The following UBXN11 variants were observed in gnomAD, a reference collection of about 807,000 sequenced individuals.
UBXN11 encodes UBX domain-containing protein 11.
In UBXN11, 47 loss-of-function variants were observed where a neutral mutation model predicts 62.8. That is an observed-to-expected ratio of 0.75 (90% confidence interval 0.59 to 0.95). UBXN11 has a LOEUF of 0.95. Ranked by LOEUF, UBXN11 falls within the 40% of genes least tolerant of loss-of-function variation. The probability of loss-of-function intolerance (pLI) is 0.00; values close to 1 mark genes in which losing one functional copy is unlikely to be tolerated. For synonymous variants in UBXN11, 294 were observed against 267.0 expected (o/e 1.10, Z -0.99); for missense variants, 638 against 661.7 (o/e 0.96, Z 0.39).
chr1:26,282,509 G>C lies in UBXN11; in HGVS notation c.1353C>G (p.Asp451Glu), dbSNP rs143743472. 1 of 1,600,818 alleles carries C rather than the reference G, an allele frequency of 6.2e-7. No individual in the cohort carries two copies. Among genetic ancestry groups the C allele is most frequent in the Non-Finnish European group, 8.5e-7 (1 of 1,171,370 alleles). The change falls in exon 15 of 15, where the codon GAC becomes GAG. Residue 451 changes from aspartate (D) to glutamate (E), a missense_variant. Physicochemically the swap from Asp to Glu is conservative, Grantham distance 45. Coordinates refer to ENST00000374222, the MANE Select transcript of UBXN11 (RefSeq NM_001389556.1). ...CTGCAGCCTGCAGCGTGAGTGTATC[G>C]TCCTGGTAGAGGGTGGGCGGGAATG... Reference protein sequence around the residue: ...FSTFPPTLYQDDTLTLQAAGL... With the variant: ...FSTFPPTLYQEDTLTLQAAGL...
At chr1:26,297,583 G>A in intron 5 of UBXN11, 102 bp from the exon 6 acceptor site, 1 of 1,332,266 alleles carries the variant, frequency 7.5e-7, no homozygotes, top group Admixed American at 2.9e-5. Flanking sequence ...CTGGGGAGCA[G>A]CAAGCCCCTG....
rs933465895 is a variant in UBXN11, at chr1:26,284,733, C to T, written c.853-251G>A. ...GTACTGACACCCTCCTTGGAGACCC[C>T]CCTCTCAGGAGCCTACCGTGAAGGC... On this transcript the variant is annotated intron_variant, in intron 10 of 14. Transcript: ENST00000374222. 8 of 1,269,634 alleles carry T rather than the reference C, an allele frequency of 6.3e-6. No individual in the cohort carries two copies. The African/African-American group carries it at 1.1e-4, about 17-fold the overall frequency. The allele number at this position is 1,269,634 out of a possible 1,614,324, so 78.6% of individuals were successfully genotyped here.
chr1:26,302,362 TAAAAAAAAAAAAAAAA>T (rs56003085), intron 2 of UBXN11, among the ~76,000 whole-genome samples: 943 of 69,584 alleles, frequency 0.014, 27 homozygotes, highest in African/African-American at 0.052. Context: ...ACTTGGTCTT[TAAAAAAAAAAAAAAAA>T]AAAAAAAAAA....
rs754479720 is a variant in UBXN11, at chr1:26,284,446, C to T, written c.889G>A (p.Gly297Arg). The part of the protein sequence containing the change: ...DLRNQVYLED[G>R]LDPFPGEGRV... ...CCCTCGCCTGGGAAGGGGTCCAGTCCATCCTCCAGGTAGACCTGATTGCGC... is the reference window on the plus strand; with the variant it reads ...CCCTCGCCTGGGAAGGGGTCCAGTCTATCCTCCAGGTAGACCTGATTGCGC... Residue 297 changes from glycine (G) to arginine (R), a missense_variant, in exon 11 of 15, where the codon GGA (glycine) becomes AGA (arginine). Transcript: ENST00000374222. 2.4e-5 allele frequency: 39 copies of T among 1,613,496 alleles called. No individual in the cohort carries two copies. The highest frequency in any genetic ancestry group is 3.1e-5 in the Non-Finnish European group (36 of 1,179,714).
chr1:26,299,276 C>T (rs1330231188), intron 4 of UBXN11, among the ~76,000 whole-genome samples: 1 of 151,956 alleles, frequency 6.6e-6, no homozygotes, highest in Non-Finnish European at 1.5e-5. Context: ...CTTTGGGAGG[C>T]CGAGGCGGGC....
upstream of UBXN11, chr1:26,306,728 A>C (rs544318664): frequency 6.6e-6 from 1 of 150,506 alleles, no homozygotes; most frequent in Non-Finnish European, 1.5e-5. Context: ...AGGTGGATAC[A>C]GTCGCCTGTG....
At position 26,285,853 on chromosome 1, in the gene UBXN11, G is replaced by T. The variant is rs2073120133; in HGVS notation, c.744C>A (p.Pro248=). The change falls in exon 9 of 15, where the codon CCC becomes CCA. Residue 248 remains proline (P), a synonymous_variant. Coordinates refer to ENST00000374222, the MANE Select transcript of UBXN11 (RefSeq NM_001389556.1). ...YRNGIMMFDG[P]FQPFYDPSTQ... Reference sequence around the variant, plus strand: ...TGGAGGGATCGTAGAAGGGCTGGAAGGGCCCGTCGAACATCATGATGCCAT... The same window carrying T: ...TGGAGGGATCGTAGAAGGGCTGGAATGGCCCGTCGAACATCATGATGCCAT... 1 of 1,610,738 alleles carries T rather than the reference G, an allele frequency of 6.2e-7. No homozygotes were observed. Among genetic ancestry groups the T allele is most frequent in the Non-Finnish European group, 8.5e-7 (1 of 1,177,246 alleles).
chr1:26,284,361 C>G lies in UBXN11; in HGVS notation c.973+1G>C. The G allele has an allele frequency of 6.2e-7, 1 of 1,614,092 alleles. No homozygotes were observed. Among genetic ancestry groups the G allele is most frequent in the Non-Finnish European group, 8.5e-7 (1 of 1,179,968 alleles). On this transcript the variant is annotated splice_donor_variant, in intron 11 of 14. Coordinates refer to ENST00000374222, the MANE Select transcript of UBXN11 (RefSeq NM_001389556.1). LOFTEE classifies it high-confidence loss of function. ...TGGCTCAGCCTGGAGGCCAAACTCA[C>G]CTGGGTGCTCCTCCACCCTGTCCAA...
chr1:26,299,914 G>A, intron 4 of UBXN11, among the ~76,000 whole-genome samples: 1 of 152,026 alleles, frequency 6.6e-6, no homozygotes, highest in East Asian at 1.9e-4. Flanking sequence ...AGGACTGATT[G>A]TGCCTGGGAG....
In UBXN11 at chr1:26,282,648, C is replaced by T. The variant is rs376402622; in HGVS notation, c.1292+1G>A. ...TGGCCCTGGCCCTGCCCTGCACCCA[C>T]CTGGCCTGCGCTAGCAGAGCTCGCA... On this transcript the variant is annotated splice_donor_variant, in intron 14 of 14. Coordinates refer to ENST00000374222, the MANE Select transcript of UBXN11 (RefSeq NM_001389556.1). LOFTEE classifies it high-confidence loss of function. 2 of 1,613,912 alleles carry T rather than the reference C, an allele frequency of 1.2e-6. No individual in the cohort carries two copies. Among genetic ancestry groups the T allele is most frequent in the Non-Finnish European group, 1.7e-6 (2 of 1,180,022 alleles).
At chr1:26,298,426 GA>G (rs1343167013) in intron 4 of UBXN11, among the ~76,000 whole-genome samples, 3 of 152,178 alleles carry the variant, frequency 2.0e-5, no homozygotes, top group African/African-American at 7.2e-5. Flanking sequence ...CAAAACAGCA[GA>G]TAGAGGAGTG....
chr1:26,302,158 A>G (rs568130467), intron 2 of UBXN11, among the ~76,000 whole-genome samples: 15 of 152,172 alleles, frequency 9.9e-5, no homozygotes, highest in Admixed American at 1.3e-4. Flanking sequence ...AGGTCAGGAG[A>G]TCGAGACCAT....
chr1:26,317,950 A>G, intron 1 of UBXN11: 3 of 1,412,352 alleles, frequency 2.1e-6, no homozygotes, highest in Non-Finnish European at 3.0e-6. Flanking sequence ...AAACCAAAAG[A>G]AGCCTCCAGA....
chr1:26,282,358 T>TGGGGCC lies in UBXN11; in HGVS notation c.1498_1503dup (p.Gly500_Pro501dup). 5 of 207,478 alleles carry TGGGGCC rather than the reference T, an allele frequency of 2.4e-5. No homozygotes were observed. Among genetic ancestry groups the TGGGGCC allele is most frequent in the Non-Finnish European group, 4.4e-5 (5 of 114,206 alleles). The allele number at this position is 207,478 out of a possible 1,614,324, so 12.9% of individuals were successfully genotyped here. Reference sequence around the variant, plus strand: ...CTGGGGCCGGGACCGGGACCGGGACTGGGGCCGGGACCGGGACCGGGACTG... The same window carrying TGGGGCC: ...CTGGGGCCGGGACCGGGACCGGGACTGGGGCCGGGGCCGGGACCGGGACCGGGACTG... On this transcript the variant is annotated inframe_insertion, in exon 15 of 15. Transcript: ENST00000374222.
chr1:26,311,926 T>C (rs2073748104), intron 1 of UBXN11, among the ~76,000 whole-genome samples: 1 of 152,202 alleles, frequency 6.6e-6, no homozygotes, highest in South Asian at 2.1e-4. Flanking sequence ...TAGCTATCTC[T>C]TCCACCTTCT....
intron 2 of UBXN11, among the ~76,000 whole-genome samples, chr1:26,302,046 TA>T (rs1189821038): frequency 6.6e-6 from 1 of 152,170 alleles, no homozygotes; most frequent in Non-Finnish European, 1.5e-5. Flanking sequence ...GCCTGTTGCT[TA>T]ACCTCTCTGA....
chr1:26,282,362 G>T lies in UBXN11; in HGVS notation c.1500C>A (p.Gly500=), dbSNP rs1165687423. 1 of 548,934 alleles carries T rather than the reference G, an allele frequency of 1.8e-6. No homozygotes were observed. The highest frequency in any genetic ancestry group is 3.2e-5 in the African/African-American group (1 of 31,580). 34.0% of individuals were successfully genotyped at this position (548,934 alleles called of 1,614,324 possible). A position where few individuals can be genotyped will look rare whatever the true frequency, so the allele number is the denominator to read the frequency against. The change falls in exon 15 of 15, where the codon GGC becomes GGA. Residue 500 remains glycine (G), a synonymous_variant. Coordinates refer to ENST00000374222, the MANE Select transcript of UBXN11 (RefSeq NM_001389556.1). ...GGCCGGGACCGGGACCGGGACTGGG[G>T]CCGGGACCGGGACCGGGACTGGGGC... is the stretch of plus-strand genomic sequence containing the variant. The part of the protein sequence containing the change: ...GPGPSPGPGP[G]PSPGPGPGPS...
intron 1 of UBXN11, among the ~76,000 whole-genome samples, chr1:26,304,966 T>C (rs1328546657): frequency 6.6e-6 from 1 of 151,396 alleles, no homozygotes; most frequent in Non-Finnish European, 1.5e-5. Context: ...GCCAGCTAAC[T>C]CTTTTTTTTC....
intron 1 of UBXN11, among the ~76,000 whole-genome samples, chr1:26,316,217 C>T (rs1009138392): frequency 1.3e-5 from 2 of 150,422 alleles, no homozygotes; most frequent in Admixed American, 1.3e-4. Flanking sequence ...TATCTGCCCG[C>T]CTCAGCCTCC....
Sources: allele counts gnomAD v4.1 joint callset (sites outside exome capture counted in the v4.1 genomes callset), GRCh38; gene constraint gnomAD v4.1.1; transcripts MANE v1.5; gene names NCBI Gene and HGNC (gene_info 2026-07-23, HGNC 2026-07-21).